DAB2IP: variants seen among roughly 807,000 people sequenced by gnomAD.
The protein encoded by DAB2IP is DAB2 interacting protein, also known as disabled homolog 2-interacting protein.
A neutral mutation model predicts 107.2 loss-of-function variants in DAB2IP; 28 were observed. The ratio of observed to expected loss-of-function variants is 0.26; its 90% CI spans 0.19 to 0.36. The LOEUF (loss-of-function observed/expected upper bound fraction) is 0.36, where lower values mean the gene tolerates loss of function less well. DAB2IP is among the 10% of genes least tolerant of loss of function. DAB2IP has a pLI of 1.00. For synonymous variants in DAB2IP, 755 were observed against 706.4 expected (o/e 1.07, Z -1.09); for missense variants, 1,400 against 1,644.7 (o/e 0.85, Z 2.57).
chr9:121,785,353 T>C lies in DAB2IP; in HGVS notation c.*2855T>C, dbSNP rs531111723. 2.0e-5 allele frequency: 3 copies of C among 152,730 alleles called. No homozygotes were observed. In the South Asian group the frequency reaches 6.2e-4, roughly 32 times the overall value. 9.5% of individuals were successfully genotyped at this position (152,730 alleles called of 1,614,324 possible). On this transcript the variant is annotated 3_prime_UTR_variant, in exon 16 of 16. Coordinates refer to ENST00000408936, the Ensembl canonical transcript of DAB2IP. ...TCCCAGCTCCCCTCTTTTGTAAGTA[T>C]GTGAAAAGGAAAAAATGCAAACGTT... is the stretch of plus-strand genomic sequence containing the variant.
intron 1 of DAB2IP, among the ~76,000 whole-genome samples, chr9:121,588,622 G>A (rs988330384): frequency 1.3e-5 from 2 of 149,476 alleles, no homozygotes; most frequent in African/African-American, 4.9e-5. Context: ...GGGAAGGGAA[G>A]GGAAGGGAAG....
intron 3 of DAB2IP, among the ~76,000 whole-genome samples, chr9:121,721,659 T>C (rs896809702): frequency 2.0e-5 from 3 of 152,252 alleles, no homozygotes; most frequent in Non-Finnish European, 4.4e-5. Flanking sequence ...TTCACATCTT[T>C]AAATGTTGGC....
At chr9:121,773,423 C>A in exon 12 of DAB2IP, 1 of 1,561,060 alleles carries the variant, frequency 6.4e-7, no homozygotes, top group Non-Finnish European at 8.6e-7. Context: ...GCCCCAGTAC[C>A]CGCCTGAGGC....
chr9:121,763,115 C>A (rs1834009078), intron 6 of DAB2IP, among the ~76,000 whole-genome samples: 1 of 152,222 alleles, frequency 6.6e-6, no homozygotes, highest in Non-Finnish European at 1.5e-5. Flanking sequence ...CTCATTTGTC[C>A]TCTTTGGCAC....
At chr9:121,627,686 C>T (rs1442373908) in intron 1 of DAB2IP, among the ~76,000 whole-genome samples, 1 of 152,154 alleles carries the variant, frequency 6.6e-6, no homozygotes, top group East Asian at 1.9e-4. Context: ...GCAGCAGAGT[C>T]TAGCCAATGC....
chr9:121,585,492 T>C (rs908222426), intron 1 of DAB2IP, among the ~76,000 whole-genome samples: 1 of 152,176 alleles, frequency 6.6e-6, no homozygotes, highest in Non-Finnish European at 1.5e-5. Context: ...TTGTTATCAT[T>C]ATTTGGACTC....
At chr9:121,687,843 T>C (rs1390033868) in intron 2 of DAB2IP, among the ~76,000 whole-genome samples, 1 of 152,148 alleles carries the variant, frequency 6.6e-6, no homozygotes, top group Non-Finnish European at 1.5e-5. Context: ...GCCTGGACCA[T>C]AGCATGCAGC....
At chr9:121,778,243 G>T (rs1269550305) in intron 14 of DAB2IP, among the ~76,000 whole-genome samples, 1 of 152,038 alleles carries the variant, frequency 6.6e-6, no homozygotes, top group Non-Finnish European at 1.5e-5. Context: ...ATTTTTGAAG[G>T]CAAAGCCCAT....
chr9:121,638,426 C>T (rs559087434), intron 1 of DAB2IP, among the ~76,000 whole-genome samples: 14 of 152,220 alleles, frequency 9.2e-5, no homozygotes, highest in African/African-American at 2.7e-4. Context: ...TACCGAGAGA[C>T]GCCTGTATGG....
intron 1 of DAB2IP, among the ~76,000 whole-genome samples, chr9:121,659,087 A>C (rs1833088630): frequency 6.6e-6 from 1 of 152,166 alleles, no homozygotes; most frequent in Non-Finnish European, 1.5e-5. Context: ...AGGGAGGGAG[A>C]TGTTGGGGCC....
rs185930032 is a variant in DAB2IP at position 121,633,784 on chromosome 9, C to T, written c.41-44894C>T. ...AAGGGGACATCAGGACAGCATCCTC[C>T]AGGCCCAAACCCTCACCATAGTCTA... On this transcript the variant is annotated intron_variant, in intron 1 of 16. Coordinates refer to the DAB2IP transcript ENST00000259371. The surrounding 1 kb of genome is among the most constrained non-coding windows in gnomAD (Gnocchi z 5.1). Among the ~76,000 whole-genome samples, 7 of 152,290 alleles carry T rather than the reference C, an allele frequency of 4.6e-5. No individual in the cohort carries two copies. The highest frequency in any genetic ancestry group is 1.4e-4 in the African/African-American group (6 of 41,548).
intron 3 of DAB2IP, among the ~76,000 whole-genome samples, chr9:121,755,735 C>A (rs1047233096): frequency 6.6e-6 from 1 of 152,144 alleles, no homozygotes; most frequent in Non-Finnish European, 1.5e-5. Flanking sequence ...TCTTGAGCAC[C>A]CATGGAGTGG....
chr9:121,568,733 G>C (rs973911527), intron 1 of DAB2IP, among the ~76,000 whole-genome samples: 2 of 152,192 alleles, frequency 1.3e-5, no homozygotes, highest in Non-Finnish European at 2.9e-5. Context: ...TGCTCCCCTA[G>C]GGAGGGCACT....
In DAB2IP at chr9:121,782,702, CT is replaced by C. The variant is rs1169362905; in HGVS notation, c.*205del. On this transcript the variant is annotated 3_prime_UTR_variant, in exon 16 of 16. Coordinates refer to ENST00000408936, the Ensembl canonical transcript of DAB2IP. The surrounding 1 kb of genome is among the most constrained non-coding windows in gnomAD (Gnocchi z 6.1). Reference sequence around the variant, plus strand: ...CAGCGTGAGGCGAGGTCACCAGCCGCTCCCTGTGGGGTGCGGGCAGAAGAGA... The same window carrying C: ...CAGCGTGAGGCGAGGTCACCAGCCGCCCCTGTGGGGTGCGGGCAGAAGAGA... The C allele has an allele frequency of 2.1e-6, 3 of 1,419,212 alleles. No individual in the cohort carries two copies. The African/African-American group carries it at 4.3e-5, about 20-fold the overall frequency. The allele number at this position is 1,419,212 out of a possible 1,614,324, so 87.9% of individuals were successfully genotyped here.
intron 3 of DAB2IP, among the ~76,000 whole-genome samples, chr9:121,732,229 C>G (rs1054692922): frequency 2.6e-5 from 4 of 152,238 alleles, no homozygotes; most frequent in African/African-American, 9.6e-5. Flanking sequence ...AAGAAAAATG[C>G]TGACCATGTC....
exon 12 of DAB2IP, chr9:121,773,275 G>T: frequency 6.5e-7 from 1 of 1,535,882 alleles, no homozygotes. Context: ...CCCCAGAGGA[G>T]GATCGACCAG....
chr9:121,715,845 G>C (rs1830574957), intron 3 of DAB2IP, among the ~76,000 whole-genome samples: 1 of 152,242 alleles, frequency 6.6e-6, no homozygotes. Context: ...ATGGTCACCT[G>C]AAGGTGCTTC....
chr9:121,737,713 A>G (rs1832029594), intron 3 of DAB2IP: 1 of 985,276 alleles, frequency 1.0e-6, no homozygotes, highest in African/African-American at 1.7e-5. Context: ...TCCCACCACA[A>G]AGGTCTGTTT....
chr9:121,589,234 T>C (rs911690146), intron 1 of DAB2IP, among the ~76,000 whole-genome samples: 9 of 152,124 alleles, frequency 5.9e-5, no homozygotes, highest in Admixed American at 3.3e-4. Context: ...GGTCTCTCAG[T>C]AGCTCCCTAA....
Sources: gnomAD v4.1 joint callset for allele counts (sites outside exome capture counted in the v4.1 genomes callset) on GRCh38, gnomAD v4.1.1 for gene constraint, Gnocchi (gnomAD v3.1) non-coding constraint, MANE v1.5 for transcripts, NCBI Gene and HGNC (gene_info 2026-07-23, HGNC 2026-07-21) for gene names.